The following DGKB variants were observed in gnomAD, a reference collection of about 807,000 sequenced individuals.
The protein encoded by DGKB is 90 kDa diacylglycerol kinase.
In DGKB, 67 loss-of-function variants were observed where a neutral mutation model predicts 114.3. The ratio of observed to expected loss-of-function variants is 0.59; its 90% CI spans 0.48 to 0.72. The LOEUF (loss-of-function observed/expected upper bound fraction) is 0.72, where lower values mean the gene tolerates loss of function less well. Among genes scored for constraint, DGKB ranks in the 30% least tolerant of loss-of-function variants. DGKB has a pLI of 0.00. For synonymous variants in DGKB, 398 were observed against 323.1 expected (o/e 1.23, Z -2.49); for missense variants, 907 against 975.2 (o/e 0.93, Z 0.93).
chr7:14,875,660 T>A (rs1398121329), intron 1 of DGKB, among the ~76,000 whole-genome samples: 3 of 152,166 alleles, frequency 2.0e-5, no homozygotes, highest in Admixed American at 2.0e-4. Context: ...GTTGAACACT[T>A]TGCGTATTTG....
At chr7:14,267,752 G>A (rs1197179975) in intron 23 of DGKB, among the ~76,000 whole-genome samples, 1 of 152,140 alleles carries the variant, frequency 6.6e-6, no homozygotes, top group East Asian at 1.9e-4. Flanking sequence ...GCCTCCCAAA[G>A]TGCTGGGATT....
chr7:14,698,834 A>AT (rs1233045870), intron 7 of DGKB, among the ~76,000 whole-genome samples: 1 of 152,070 alleles, frequency 6.6e-6, no homozygotes, highest in Non-Finnish European at 1.5e-5. Context: ...TAATGTTTTA[A>AT]TTTTTCTCTA....
At chr7:14,965,263 C>G (rs1018408451) in intron 1 of DGKB, among the ~76,000 whole-genome samples, 1 of 152,034 alleles carries the variant, frequency 6.6e-6, no homozygotes, top group African/African-American at 2.4e-5. Context: ...TGGTTGTGTA[C>G]ACTGTACTTT....
rs534821015 is a variant in DGKB at position 14,535,841 on chromosome 7, T to A, written c.1770+38371A>T. 3.3e-5 allele frequency among the ~76,000 whole-genome samples: 5 copies of A among 152,218 alleles called. No homozygotes were observed. The East Asian group carries it at 5.8e-4, about 18-fold the overall frequency. On this transcript the variant is annotated intron_variant, in intron 20 of 25. Transcript: ENST00000402815. ...CCCTCGTGATCCACCCCCCTCAGCCTCCCATCGTACTGGGATTATAGGCAT... is the reference window on the plus strand; with the variant it reads ...CCCTCGTGATCCACCCCCCTCAGCCACCCATCGTACTGGGATTATAGGCAT...
At chr7:14,201,748 A>G (rs1021369464) in intron 23 of DGKB, among the ~76,000 whole-genome samples, 5 of 144,264 alleles carry the variant, frequency 3.5e-5, no homozygotes, top group African/African-American at 1.2e-4. Context: ...TGGTGAATAT[A>G]TATCTGTAGA....
At chr7:14,408,871 G>T (rs905988158) in intron 21 of DGKB, among the ~76,000 whole-genome samples, 3 of 151,810 alleles carry the variant, frequency 2.0e-5, no homozygotes, top group Non-Finnish European at 2.9e-5. Flanking sequence ...CTATAACCTA[G>T]AAATATGGAA....
At chr7:14,733,747 AAAG>A (rs1369836621) in intron 5 of DGKB, among the ~76,000 whole-genome samples, 1 of 7,176 alleles carries the variant, frequency 1.4e-4, no homozygotes, top group Non-Finnish European at 6.6e-4. Flanking sequence ...AGAAAGAAAT[AAAG>A]AAGAAAGAAA....
At chr7:14,583,755 C>T (rs1481613996) in intron 17 of DGKB, among the ~76,000 whole-genome samples, 1 of 152,116 alleles carries the variant, frequency 6.6e-6, no homozygotes, top group Non-Finnish European at 1.5e-5. Flanking sequence ...GGGTCAGCTG[C>T]CATAAATACC....
chr7:14,629,917 A>G (rs1809376270), intron 14 of DGKB, among the ~76,000 whole-genome samples: 1 of 152,082 alleles, frequency 6.6e-6, no homozygotes, highest in African/African-American at 2.4e-5. Context: ...TTTAACGTGA[A>G]AAAATGGGAG....
chr7:14,705,003 A>C (rs1333094617), intron 6 of DGKB, among the ~76,000 whole-genome samples: 2 of 151,690 alleles, frequency 1.3e-5, no homozygotes, highest in South Asian at 4.2e-4. Context: ...AGAAGGCTTC[A>C]GACGATCAAA....
At chr7:14,621,688 C>G (rs983639639) in intron 14 of DGKB, among the ~76,000 whole-genome samples, 194 bp from the exon 15 acceptor site, 1 of 151,912 alleles carries the variant, frequency 6.6e-6, no homozygotes, top group African/African-American at 2.4e-5. Flanking sequence ...CATGATCGAA[C>G]CACCATTTAA....
At chr7:14,186,040 C>A (rs1783372110) in intron 23 of DGKB, among the ~76,000 whole-genome samples, 2 of 152,176 alleles carry the variant, frequency 1.3e-5, no homozygotes, top group African/African-American at 4.8e-5. Flanking sequence ...AACTAAAGAG[C>A]TTTTGCATGG....
intron 21 of DGKB, among the ~76,000 whole-genome samples, chr7:14,429,876 G>A (rs1281900723): frequency 6.6e-6 from 1 of 152,018 alleles, no homozygotes; most frequent in African/African-American, 2.4e-5. Flanking sequence ...GTAGTGAGCT[G>A]AGATCAGGCC....
intron 23 of DGKB, among the ~76,000 whole-genome samples, chr7:14,328,803 C>A (rs1809201824): frequency 6.6e-6 from 1 of 151,964 alleles, no homozygotes; most frequent in Non-Finnish European, 1.5e-5. Flanking sequence ...AATCTTACTG[C>A]AAATGTCTGT....
intron 25 of DGKB, among the ~76,000 whole-genome samples, chr7:14,154,696 C>A (rs572942699): frequency 1.2e-3 from 182 of 147,982 alleles, no homozygotes; most frequent in African/African-American, 4.0e-3. Flanking sequence ...AAAAAAAAAA[C>A]AAACAAACAA....
intron 6 of DGKB, among the ~76,000 whole-genome samples, chr7:14,716,867 G>C (rs760644753): frequency 1.2e-4 from 18 of 152,210 alleles, no homozygotes; most frequent in Non-Finnish European, 2.2e-4. Flanking sequence ...ATTTTGAAGA[G>C]TTTGGTGAAA....
chr7:14,705,190 G>C (rs1006574868), intron 6 of DGKB, among the ~76,000 whole-genome samples: 1 of 152,024 alleles, frequency 6.6e-6, no homozygotes. Flanking sequence ...CTCAGGAGCC[G>C]ATGCGATCAA....
At chr7:14,505,161 T>G (rs924541059) in intron 20 of DGKB, among the ~76,000 whole-genome samples, 8 of 152,168 alleles carry the variant, frequency 5.3e-5, no homozygotes, top group Non-Finnish European at 8.8e-5. Context: ...GTTTCAAGAA[T>G]AGACTAAACT....
At chr7:14,859,077 T>C (rs1211993585) in intron 1 of DGKB, among the ~76,000 whole-genome samples, 1 of 152,100 alleles carries the variant, frequency 6.6e-6, no homozygotes, top group Non-Finnish European at 1.5e-5. Context: ...AAGTCTGACC[T>C]GGGATTATGT....
Sources: gnomAD v4.1 joint callset for allele counts (sites outside exome capture counted in the v4.1 genomes callset) on GRCh38, gnomAD v4.1.1 for gene constraint, MANE v1.5 for transcripts, NCBI Gene and HGNC (gene_info 2026-07-23, HGNC 2026-07-21) for gene names.